The following COL14A1 variants were observed in gnomAD, a reference collection of about 807,000 sequenced individuals.
COL14A1 encodes the protein collagen alpha-1(XIV) chain.
In COL14A1, 136 loss-of-function variants were observed where a neutral mutation model predicts 230.3. That is an observed-to-expected ratio of 0.59 (90% CI 0.51 to 0.68). The LOEUF (loss-of-function observed/expected upper bound fraction) is 0.68. Among genes scored for constraint, COL14A1 ranks in the 30% least tolerant of loss-of-function variants. The pLI is 0.00. For synonymous variants in COL14A1, 792 were observed against 784.1 expected, an observed-to-expected ratio of 1.01 and a Z score of -0.17; for missense variants, 1,976 against 2,215.8, an observed-to-expected ratio of 0.89 and a Z score of 2.17.
At chr8:120,328,613 T>TC (rs1224895279) in intron 40 of COL14A1, among the ~76,000 whole-genome samples, 2 of 152,110 alleles carry the variant, frequency 1.3e-5, no homozygotes, top group Non-Finnish European at 2.9e-5. Context: ...CAACATGTCA[T>TC]CCTTCCAGAT....
At chr8:120,124,966 G>A (rs1586698382), upstream of COL14A1, 1 of 152,400 alleles carries the variant, frequency 6.6e-6, no homozygotes, top group East Asian at 1.9e-4. Flanking sequence ...CCACATCTCC[G>A]GTAGGGCGGG....
chr8:120,162,876 C>A (rs574967586), intron 4 of COL14A1, among the ~76,000 whole-genome samples: 2 of 152,138 alleles, frequency 1.3e-5, no homozygotes, highest in Admixed American at 1.3e-4. Flanking sequence ...CTAGAGCTTC[C>A]CTTCTGGTAC....
chr8:120,331,926 G>A (rs898179976), intron 40 of COL14A1, among the ~76,000 whole-genome samples: 3 of 152,132 alleles, frequency 2.0e-5, no homozygotes, highest in South Asian at 2.1e-4. Context: ...CATTTCTTAC[G>A]CCTAAAATTT....
chr8:120,219,157 C>T (rs1008732743), intron 14 of COL14A1, among the ~76,000 whole-genome samples: 5 of 151,974 alleles, frequency 3.3e-5, no homozygotes, highest in Non-Finnish European at 7.4e-5. Context: ...GTCTCTGTTG[C>T]CTAGGTTGAA....
At chr8:120,134,731 T>C (rs890577209) in intron 1 of COL14A1, among the ~76,000 whole-genome samples, 1 of 152,156 alleles carries the variant, frequency 6.6e-6, no homozygotes, top group Non-Finnish European at 1.5e-5. Flanking sequence ...TCCCAGCACT[T>C]TGGGAGGCCG....
chr8:120,157,593 A>G (rs748870640), intron 2 of COL14A1, among the ~76,000 whole-genome samples: 8 of 152,220 alleles, frequency 5.3e-5, no homozygotes, highest in Non-Finnish European at 1.0e-4. Flanking sequence ...TAAGGTCACT[A>G]CTGTTTGACA....
At chr8:120,290,767 A>G (rs1820351756) in intron 34 of COL14A1, among the ~76,000 whole-genome samples, 1 of 152,176 alleles carries the variant, frequency 6.6e-6, no homozygotes, top group Admixed American at 6.5e-5. Context: ...CAAGTGGGAG[A>G]GTGATTTACT....
chr8:120,193,719 G>T (rs1329101608), intron 5 of COL14A1, among the ~76,000 whole-genome samples: 2 of 152,172 alleles, frequency 1.3e-5, no homozygotes, highest in African/African-American at 4.8e-5. Flanking sequence ...GAGCTTCCCG[G>T]CTGGTTTGGT....
At chr8:120,170,024 C>T (rs568588847) in intron 5 of COL14A1, among the ~76,000 whole-genome samples, 15 of 152,044 alleles carry the variant, frequency 9.9e-5, no homozygotes, top group African/African-American at 3.4e-4. Flanking sequence ...TATTTGCCAG[C>T]TTAAAACATA....
intron 32 of COL14A1, 95 bp from the exon 33 acceptor site, chr8:120,285,766 C>G: frequency 1.3e-6 from 1 of 771,820 alleles, no homozygotes; most frequent in Non-Finnish European, 2.1e-6. Context: ...AGTTTCAAAA[C>G]AATCGATGCA....
chr8:120,269,730 C>T (rs1819602363), intron 25 of COL14A1, among the ~76,000 whole-genome samples: 1 of 151,608 alleles, frequency 6.6e-6, no homozygotes, highest in Non-Finnish European at 1.5e-5. Flanking sequence ...CCTGTAGTCC[C>T]ATCTTTTCCT....
At chr8:120,226,307 T>TA (rs113509831) in intron 15 of COL14A1, among the ~76,000 whole-genome samples, 16 of 149,938 alleles carry the variant, frequency 1.1e-4, no homozygotes, top group African/African-American at 2.5e-5. Context: ...AAATAATATT[T>TA]AAAAAAAAAA....
chr8:120,283,592 T>C, intron 31 of COL14A1, 44 bp from the exon 32 acceptor site: 2 of 1,547,584 alleles, frequency 1.3e-6, no homozygotes, highest in South Asian at 1.2e-5. Flanking sequence ...AGTAACTTTT[T>C]TGAGGAAGGA....
intron 19 of COL14A1, among the ~76,000 whole-genome samples, chr8:120,232,251 ACT>A (rs1818296524): frequency 6.6e-6 from 1 of 150,778 alleles, no homozygotes; most frequent in South Asian, 2.1e-4. Flanking sequence ...TAAATGATAC[ACT>A]CTTTTTTTCT....
chr8:120,166,681 A>C lies in COL14A1; in HGVS notation c.350-1480A>C, dbSNP rs1815885778. ...GATACAGATTTGGAAATTATCTATG[A>C]AAAGATGAGAATTTTAATTGTGAGA... On this transcript the variant is annotated intron_variant, in intron 4 of 47. Coordinates refer to ENST00000297848, the MANE Select transcript of COL14A1 (RefSeq NM_021110.4). 3.3e-5 allele frequency among the ~76,000 whole-genome samples: 5 copies of C among 152,302 alleles called. No homozygotes were observed. In the South Asian group the frequency reaches 1.0e-3, roughly 32 times the overall value.
chr8:120,343,193 G>T (rs1339487894), intron 44 of COL14A1, among the ~76,000 whole-genome samples: 1 of 152,120 alleles, frequency 6.6e-6, no homozygotes, highest in Non-Finnish European at 1.5e-5. Flanking sequence ...TAATCAGATG[G>T]TTACTAGTGT....
chr8:120,362,284 C>G (rs566360048), intron 45 of COL14A1, among the ~76,000 whole-genome samples: 1 of 152,142 alleles, frequency 6.6e-6, no homozygotes, highest in African/African-American at 2.4e-5. Flanking sequence ...AGTGCCTGCC[C>G]TCTTGGCTCA....
intron 36 of COL14A1, 128 bp downstream of exon 36, chr8:120,300,946 A>G (rs2130027967): frequency 2.7e-6 from 2 of 734,510 alleles, no homozygotes; most frequent in East Asian, 5.2e-5. Flanking sequence ...ATGCAGTGAG[A>G]CACAGAGATG....
At chr8:120,167,929 C>T (rs903693345) in intron 4 of COL14A1, among the ~76,000 whole-genome samples, 1 of 152,138 alleles carries the variant, frequency 6.6e-6, no homozygotes, top group Non-Finnish European at 1.5e-5. Context: ...ACACATCTGC[C>T]CATAGTGCAT....
Sources: allele counts gnomAD v4.1 joint callset (sites outside exome capture counted in the v4.1 genomes callset), GRCh38; gene constraint gnomAD v4.1.1; transcripts MANE v1.5; gene names NCBI Gene and HGNC (gene_info 2026-07-23, HGNC 2026-07-21).